KREMEN1: variants seen among roughly 807,000 people sequenced by gnomAD.
KREMEN1 encodes kremen protein 1.
In KREMEN1, 30 loss-of-function variants were observed where a neutral mutation model predicts 46.5. The ratio of observed to expected loss-of-function variants is 0.65; its 90% CI spans 0.48 to 0.88. The LOEUF (loss-of-function observed/expected upper bound fraction) is 0.88. KREMEN1 is among the 40% of genes least tolerant of loss of function. KREMEN1 has a pLI of 0.00. For missense variants in KREMEN1, 533 were observed against 596.9 expected (o/e 0.89, Z 1.11); for synonymous variants, 214 against 230.6 (o/e 0.93, Z 0.65).
At chr22:29,076,544 C>T (rs111240293) in intron 1 of KREMEN1, among the ~76,000 whole-genome samples, 187 of 152,292 alleles carry the variant, frequency 1.2e-3, no homozygotes, top group African/African-American at 3.5e-3. Flanking sequence ...ACTTTAGTCC[C>T]TAGACAAACC....
rs371534321 is a variant in KREMEN1 at position 29,144,659 on chromosome 22, T to G, written c.*2547T>G. The G allele has an allele frequency of 2.0e-6, 2 of 985,416 alleles. No individual in the cohort carries two copies. Among genetic ancestry groups the G allele is most frequent in the African/African-American group, 3.5e-5 (2 of 57,268 alleles). The allele number at this position is 985,416 out of a possible 1,614,324, so 61.0% of individuals were successfully genotyped here. A position where few individuals can be genotyped will look rare whatever the true frequency, so the allele number is the denominator to read the frequency against. ...GTCCCAACGGGTCCTGTGCTGTGAA[T>G]AGATCCATGTGCAGCACAAAGGGAA... On this transcript the variant is annotated 3_prime_UTR_variant, in exon 9 of 9. Coordinates refer to ENST00000400335, the MANE Select transcript of KREMEN1 (RefSeq NM_001039570.3).
Position 29,143,606 on chromosome 22 carries a change from G to A in KREMEN1, c.*1494G>A, listed in dbSNP as rs950096796. On this transcript the variant is annotated 3_prime_UTR_variant, in exon 9 of 9. Coordinates refer to ENST00000400335, the MANE Select transcript of KREMEN1 (RefSeq NM_001039570.3). ...AAATACAAAAAATTAGCTGGGTGTGGTGGTGGGCGCCTGTAGTCCCAGCTG... is the reference window on the plus strand; with the variant it reads ...AAATACAAAAAATTAGCTGGGTGTGATGGTGGGCGCCTGTAGTCCCAGCTG... 11 of 631,928 alleles carry A rather than the reference G, an allele frequency of 1.7e-5. No homozygotes were observed. The highest frequency in any genetic ancestry group is 2.2e-5 in the Non-Finnish European group (11 of 507,108). The allele number at this position is 631,928 out of a possible 1,614,324, so 39.1% of individuals were successfully genotyped here.
At chr22:29,167,161 G>A in exon 10 of KREMEN1, 5 of 1,366,738 alleles carry the variant, frequency 3.7e-6, no homozygotes, top group Non-Finnish European at 5.1e-6. Flanking sequence ...TCAGAGGGCA[G>A]AGGGGACACC....
At chr22:29,098,751 A>G (rs1048209241) in intron 2 of KREMEN1, 111 bp from the exon 3 acceptor site, 27 of 792,464 alleles carry the variant, frequency 3.4e-5, no homozygotes, top group African/African-American at 8.6e-5. Context: ...CAGACCAACT[A>G]TTAGAAATAA....
chr22:29,083,818 T>C (rs1323215712), intron 1 of KREMEN1, among the ~76,000 whole-genome samples: 1 of 150,978 alleles, frequency 6.6e-6, no homozygotes, highest in East Asian at 1.9e-4. Flanking sequence ...GGCGACAGAG[T>C]GAGACTCATC....
chr22:29,085,830 G>T (rs969109251), intron 1 of KREMEN1, among the ~76,000 whole-genome samples: 1 of 152,060 alleles, frequency 6.6e-6, no homozygotes, highest in South Asian at 2.1e-4. Context: ...AATTAGCCAG[G>T]TGTGGTTACA....
At chr22:29,165,388 C>A (rs1711963936) in intron 9 of KREMEN1, among the ~76,000 whole-genome samples, 1 of 150,082 alleles carries the variant, frequency 6.7e-6, no homozygotes, top group South Asian at 2.1e-4. Flanking sequence ...GGTGACAGAG[C>A]AAGAGCCTGT....
At chr22:29,079,633 G>T (rs1308088249) in intron 1 of KREMEN1, among the ~76,000 whole-genome samples, 1 of 152,208 alleles carries the variant, frequency 6.6e-6, no homozygotes, top group Non-Finnish European at 1.5e-5. Context: ...AACCAGAACG[G>T]TATACTCACA....
chr22:29,117,974 C>T (rs574970805), intron 3 of KREMEN1, among the ~76,000 whole-genome samples: 17 of 152,164 alleles, frequency 1.1e-4, no homozygotes, highest in Non-Finnish European at 1.9e-4. Context: ...TGGGGTATGA[C>T]TTCGCAATAT....
rs758464243 is a variant in KREMEN1, at chr22:29,142,115, A to G, written c.*3A>G. 2 of 1,588,688 alleles carry G rather than the reference A, an allele frequency of 1.3e-6. No homozygotes were observed. The highest frequency in any genetic ancestry group is 1.7e-6 in the Non-Finnish European group (2 of 1,168,132). On this transcript the variant is annotated 3_prime_UTR_variant, in exon 9 of 9. Coordinates refer to ENST00000400335, the MANE Select transcript of KREMEN1 (RefSeq NM_001039570.3). Reference sequence around the variant, plus strand: ...GCAATCCCCTTGTGAGTGACTAAAAACCCCACTGTGCCTAGGACTTGAGGT... The same window carrying G: ...GCAATCCCCTTGTGAGTGACTAAAAGCCCCACTGTGCCTAGGACTTGAGGT...
Position 29,073,171 on chromosome 22 carries a change from C to G in KREMEN1, c.41C>G (p.Ala14Gly). 1.7e-6 allele frequency: 2 copies of G among 1,168,684 alleles called. No individual in the cohort carries two copies. The highest frequency in any genetic ancestry group is 3.7e-5 in the South Asian group (1 of 26,872). 72.4% of individuals were successfully genotyped at this position (1,168,684 alleles called of 1,614,324 possible). Reference protein sequence around the residue: ...PAARLALLSAAALTLAARPAP... With the variant: ...PAARLALLSAGALTLAARPAP... ...GCCCGCCTCGCCCTGCTCTCCGCCG[C>G]GGCGCTCACGCTGGCGGCCCGGCCC... The change falls in exon 1 of 9, where the codon GCG becomes GGG. Residue 14 changes from alanine (A) to glycine (G), a missense_variant. By Grantham distance (60) the Ala-to-Gly change is moderately conservative. Transcript: ENST00000400335. The surrounding 1 kb of genome is among the most constrained non-coding windows in gnomAD (Gnocchi z 4.4).
rs148738725 is a variant in KREMEN1 at position 29,131,523 on chromosome 22, CATATATATAT to C, written c.632-5790_632-5781del. Among the ~76,000 whole-genome samples the C allele has an allele frequency of 9.6e-4, 90 of 93,732 alleles. 3 individuals carry two copies. The East Asian group carries it at 0.013, about 14-fold the overall frequency. 61.5% of individuals were successfully genotyped at this position (93,732 alleles called of 152,430 possible). ...AGCAACAACTGATCTGTATTCTGTT[CATATATATAT>C]ATATATATATATATATATATATATA... On this transcript the variant is annotated intron_variant, in intron 5 of 8. Coordinates refer to ENST00000400335, the MANE Select transcript of KREMEN1 (RefSeq NM_001039570.3).
At chr22:29,095,745 A>G (rs990820759) in intron 2 of KREMEN1, among the ~76,000 whole-genome samples, 11 of 152,230 alleles carry the variant, frequency 7.2e-5, no homozygotes, top group Admixed American at 5.9e-4. Context: ...AGTTGTCTCA[A>G]AGTCACCAGG....
chr22:29,139,433 C>T (rs2038724234), intron 7 of KREMEN1, among the ~76,000 whole-genome samples: 2 of 151,812 alleles, frequency 1.3e-5, no homozygotes, highest in Admixed American at 1.3e-4. Flanking sequence ...GAGACCCTTT[C>T]TCTACAAAAA....
intron 9 of KREMEN1, among the ~76,000 whole-genome samples, chr22:29,163,235 C>T (rs1426335082): frequency 6.6e-6 from 1 of 152,146 alleles, no homozygotes; most frequent in Non-Finnish European, 1.5e-5. Flanking sequence ...GCTCTCCTGC[C>T]ATCTCTTGAA....
At chr22:29,160,189 C>G (rs1024907319) in intron 9 of KREMEN1, among the ~76,000 whole-genome samples, 1 of 152,140 alleles carries the variant, frequency 6.6e-6, no homozygotes, top group Admixed American at 6.5e-5. Flanking sequence ...AAATCAAAAT[C>G]ATACCAGCCA....
At chr22:29,127,545 C>T (rs2038464954) in intron 5 of KREMEN1, among the ~76,000 whole-genome samples, 1 of 152,128 alleles carries the variant, frequency 6.6e-6, no homozygotes, top group Non-Finnish European at 1.5e-5. Flanking sequence ...TGCCTGTAAT[C>T]CCAGCTACTC....
rs1004395361 is a variant in KREMEN1, at chr22:29,073,780, T to A, written c.97+553T>A. ...CCCTGCTCCCCGGTACCTCCTGGGA[T>A]CCCGTCCCCAAGTCCCCAGCGACCC... On this transcript the variant is annotated intron_variant, in intron 1 of 8. Transcript: ENST00000400335. This position sits in a 1 kb window ranked among gnomAD's most constrained non-coding sequence, Gnocchi z 4.4. Among the ~76,000 whole-genome samples the A allele has an allele frequency of 4.3e-5, 6 of 138,892 alleles. No individual in the cohort carries two copies. Among genetic ancestry groups the A allele is most frequent in the Non-Finnish European group, 9.4e-5 (6 of 64,016 alleles). The allele number at this position is 138,892 out of a possible 152,430, so 91.1% of individuals were successfully genotyped here. A position where few individuals can be genotyped will look rare whatever the true frequency, so the allele number is the denominator to read the frequency against.
intron 1 of KREMEN1, among the ~76,000 whole-genome samples, chr22:29,082,637 C>T (rs2037673191): frequency 6.6e-6 from 1 of 152,156 alleles, no homozygotes; most frequent in Non-Finnish European, 1.5e-5. Context: ...TCTGTAGTTG[C>T]TGAGAATACA....
Sources: gnomAD v4.1 joint callset for allele counts (sites outside exome capture counted in the v4.1 genomes callset) on GRCh38, gnomAD v4.1.1 for gene constraint, Gnocchi (gnomAD v3.1) non-coding constraint, MANE v1.5 for transcripts, NCBI Gene and HGNC (gene_info 2026-07-23, HGNC 2026-07-21) for gene names.